Variants in ZER1 observed in about 807,000 individuals in gnomAD.
ZER1 encodes protein zer-1 homolog.
In ZER1, 11 loss-of-function variants were observed where a neutral mutation model predicts 78.8. The observed-to-expected ratio is 0.14, with a 90% CI of 0.09 to 0.23. ZER1 has a LOEUF of 0.23. Ranked by LOEUF, ZER1 falls within the 10% of genes least tolerant of loss-of-function variation. ZER1 has a pLI of 1.00. For synonymous variants in ZER1, 400 were observed against 407.0 expected, an observed-to-expected ratio of 0.98 and a Z score of 0.21; for missense variants, 588 against 996.9, an observed-to-expected ratio of 0.59 and a Z score of 5.52.
In ZER1 at chr9:128,754,744, G is replaced by A. The variant is rs939365264; in HGVS notation, c.158+664C>T. On this transcript the variant is annotated intron_variant, in intron 2 of 15. Transcript: ENST00000291900. The surrounding 1 kb of genome is among the most constrained non-coding windows in gnomAD (Gnocchi z 4.3). The stretch of plus-strand genomic sequence containing the variant: ...TCGCTATGTCACCCAGGCTGATCTT[G>A]AATTTCTGGTCTCAAGTGATCCTCC... Among the ~76,000 whole-genome samples the A allele has an allele frequency of 4.0e-5, 6 of 150,032 alleles. No individual in the cohort carries two copies. The highest frequency in any genetic ancestry group is 7.4e-5 in the Non-Finnish European group (5 of 67,646).
At chr9:128,747,309 T>C (rs1863526147) in intron 8 of ZER1, among the ~76,000 whole-genome samples, 1 of 152,198 alleles carries the variant, frequency 6.6e-6, no homozygotes, top group African/African-American at 2.4e-5. Flanking sequence ...AACAAAGCAT[T>C]GCTTGAGAGA....
chr9:128,742,312 G>A (rs1863329457), intron 9 of ZER1, among the ~76,000 whole-genome samples: 1 of 152,270 alleles, frequency 6.6e-6, no homozygotes, highest in Non-Finnish European at 1.5e-5. Flanking sequence ...GGGACAGGAT[G>A]ACAGCATGCT....
At chr9:128,741,978 G>A in intron 9 of ZER1, 137 bp from the exon 10 acceptor site, 1 of 1,182,176 alleles carries the variant, frequency 8.5e-7, no homozygotes, top group Middle Eastern at 2.0e-4. Flanking sequence ...CCCTATATTT[G>A]GGGGAGGCTA....
intron 1 of ZER1, among the ~76,000 whole-genome samples, chr9:128,759,782 G>A (rs948505928): frequency 6.6e-6 from 1 of 152,030 alleles, no homozygotes; most frequent in African/African-American, 2.4e-5. Context: ...GCAACAGAGC[G>A]AGACTCCGTC....
Position 128,732,685 on chromosome 9 carries a change from T to A in ZER1, c.2243+741A>T, listed in dbSNP as rs1862872335. On this transcript the variant is annotated intron_variant, in intron 15 of 15. Coordinates refer to ENST00000291900, the MANE Select transcript of ZER1 (RefSeq NM_006336.4). The surrounding 1 kb of genome is among the most constrained non-coding windows in gnomAD (Gnocchi z 4.8). The stretch of plus-strand genomic sequence containing the variant: ...CTGGCCAGTAGCGCCTTTGGCCAGA[T>A]ATAATAGCAGAACCAGCTGACACTT... Among the ~76,000 whole-genome samples the A allele has an allele frequency of 6.6e-6, 1 of 152,120 alleles. No individual in the cohort carries two copies. Among genetic ancestry groups the A allele is most frequent in the African/African-American group, 2.4e-5 (1 of 41,416 alleles).
intron 1 of ZER1, among the ~76,000 whole-genome samples, chr9:128,770,964 G>A (rs1864364871): frequency 6.6e-6 from 1 of 152,180 alleles, no homozygotes; most frequent in Non-Finnish European, 1.5e-5. Flanking sequence ...GAGCCCAGGA[G>A]TTCGAGACCA....
At position 128,753,607 on chromosome 9, in the gene ZER1, G is replaced by A. The variant is rs1412866614; in HGVS notation, c.310-7C>T. 6.2e-7 allele frequency: 1 copy of A among 1,611,892 alleles called. No homozygotes were observed. ...GGTACAGCTCCACCAGGTCCTGGGA[G>A]TGGGCACAGCTCCATCATCATCACC... is the stretch of plus-strand genomic sequence containing the variant. On this transcript the variant is annotated splice_region_variant and splice_polypyrimidine_tract_variant and intron_variant, in intron 3 of 15. Transcript: ENST00000291900. The surrounding 1 kb of genome is among the most constrained non-coding windows in gnomAD (Gnocchi z 7.5).
Position 128,751,285 on chromosome 9 carries a change from C to T in ZER1, c.1039-17G>A. 1 of 1,599,778 alleles carries T rather than the reference C, an allele frequency of 6.3e-7. No individual in the cohort carries two copies. The highest frequency in any genetic ancestry group is 8.6e-7 in the Non-Finnish European group (1 of 1,168,806). ...ACCACTTACCTGCGGGTGGGACACG[C>T]TCAGAACAACCCAGCAGAGGCCAAG... On this transcript the variant is annotated splice_polypyrimidine_tract_variant and intron_variant, in intron 6 of 15. Transcript: ENST00000291900. The surrounding 1 kb of genome is among the most constrained non-coding windows in gnomAD (Gnocchi z 5.4).
In ZER1 at chr9:128,751,614, C is replaced by T; in HGVS notation, c.924-87G>A. ...CTGGGGGTGGTGAGGCATTTCCTTG[C>T]TTTCTCTTCTAGGCCCTCCAACCTC... On this transcript the variant is annotated intron_variant, in intron 5 of 15. Transcript: ENST00000291900. This position sits in a 1 kb window ranked among gnomAD's most constrained non-coding sequence, Gnocchi z 5.4. 8.8e-7 allele frequency: 1 copy of T among 1,133,528 alleles called. No individual in the cohort carries two copies. The allele number at this position is 1,133,528 out of a possible 1,614,324, so 70.2% of individuals were successfully genotyped here.
At chr9:128,731,441 G>GGGGGTTGGGGGGGGGGGGGGGGGGGGGC in intron 15 of ZER1, 47 bp from the exon 16 acceptor site, 1 of 704,916 alleles carries the variant, frequency 1.4e-6, no homozygotes, top group Non-Finnish European at 2.6e-6. Flanking sequence ...CTTGGGTGGG[G>GGGGGTTGGGGGGGGGGGGGGGGGGGGGC]GTGAGCCCAG....
At chr9:128,739,871 T>TCCTGC in intron 13 of ZER1, 60 bp downstream of exon 13, 1 of 1,552,758 alleles carries the variant, frequency 6.4e-7, no homozygotes, top group Non-Finnish European at 8.8e-7. Context: ...GGTATGAGCA[T>TCCTGC]CCTGCCCAGC....
chr9:128,759,179 T>C (rs1863961437), intron 1 of ZER1, among the ~76,000 whole-genome samples: 1 of 151,602 alleles, frequency 6.6e-6, no homozygotes, highest in Admixed American at 6.6e-5. Flanking sequence ...ATTGTTTTTT[T>C]TTTTCTTTTG....
intron 1 of ZER1, among the ~76,000 whole-genome samples, chr9:128,768,665 C>T (rs1476548366): frequency 6.6e-6 from 1 of 152,208 alleles, no homozygotes; most frequent in Non-Finnish European, 1.5e-5. Context: ...AGTTGCCCTG[C>T]TCAGCCTGTG....
chr9:128,737,153 A>T (rs866417969), intron 13 of ZER1, among the ~76,000 whole-genome samples: 20 of 148,166 alleles, frequency 1.3e-4, no homozygotes, highest in South Asian at 6.5e-4. Flanking sequence ...CAAAAAAAAA[A>T]TTTTTTTTTT....
chr9:128,742,642 G>C lies in ZER1; in HGVS notation c.1463C>G (p.Pro488Arg). ...CTGGATAGACTCGTCCTGCCGCGTG[G>C]GGTTGAGGATGCTGAGCAGGAGCTC... Reference protein sequence around the residue: ...VNELLLSILNPTRQDESIQRI... With the variant: ...VNELLLSILNRTRQDESIQRI... Residue 488 changes from proline (P) to arginine (R), a missense_variant, in exon 9 of 16, where the codon CCC (proline) becomes CGC (arginine). Physicochemically the swap from Pro to Arg is moderately radical, Grantham distance 103. Around this residue, in one of 3 missense-constraint regions of ZER1, gnomAD observed 406 missense variants for 660.1 expected, o/e 0.62. Coordinates refer to ENST00000291900, the MANE Select transcript of ZER1 (RefSeq NM_006336.4). 1 of 1,614,240 alleles carries C rather than the reference G, an allele frequency of 6.2e-7. No individual in the cohort carries two copies.
At chr9:128,747,335 G>A (rs1190817564) in intron 8 of ZER1, among the ~76,000 whole-genome samples, 1 of 151,746 alleles carries the variant, frequency 6.6e-6, no homozygotes, top group Non-Finnish European at 1.5e-5. Context: ...AGATGAAACA[G>A]CAACCTAAAT....
intron 1 of ZER1, among the ~76,000 whole-genome samples, chr9:128,759,203 C>T (rs867358747): frequency 1.3e-5 from 2 of 150,172 alleles, no homozygotes; most frequent in Non-Finnish European, 3.0e-5. Flanking sequence ...CGGAGTCTAA[C>T]CCTGTCATCT....
chr9:128,747,083 C>T (rs1196949246), intron 8 of ZER1, among the ~76,000 whole-genome samples: 1 of 151,812 alleles, frequency 6.6e-6, no homozygotes, highest in Non-Finnish European at 1.5e-5. Flanking sequence ...CCTGTAGTCC[C>T]AGCTACTCAG....
chr9:128,735,007 C>T (rs1863015266), intron 14 of ZER1, among the ~76,000 whole-genome samples: 1 of 152,176 alleles, frequency 6.6e-6, no homozygotes, highest in African/African-American at 2.4e-5. Context: ...TCTCCTGTCT[C>T]GGCCTCCTGA....
Sources: allele counts gnomAD v4.1 joint callset (sites outside exome capture counted in the v4.1 genomes callset), GRCh38; gene constraint gnomAD v4.1.1; regional missense constraint gnomAD v4.1.1; non-coding constraint Gnocchi (gnomAD v3.1); transcripts MANE v1.5; gene names NCBI Gene and HGNC (gene_info 2026-07-23, HGNC 2026-07-21).